Variants in WDR43 observed in about 807,000 individuals in gnomAD.
WDR43 encodes WD repeat-containing protein 43.
A neutral mutation model predicts 91.4 loss-of-function variants in WDR43; 13 were observed. The observed-to-expected ratio is 0.14, with a 90% CI of 0.09 to 0.23. The LOEUF (loss-of-function observed/expected upper bound fraction) is 0.23. WDR43 is among the 10% of genes least tolerant of loss of function. WDR43 has a pLI of 1.00. For synonymous variants in WDR43, 331 were observed against 287.9 expected, an observed-to-expected ratio of 1.15 and a Z score of -1.51; for missense variants, 780 against 809.4, an observed-to-expected ratio of 0.96 and a Z score of 0.44.
Position 28,946,710 on chromosome 2 carries a change from T to C in WDR43, c.1965T>C (p.Asp655=), listed in dbSNP as rs1558386948. 1 of 1,581,940 alleles carries C rather than the reference T, an allele frequency of 6.3e-7. No individual in the cohort carries two copies. Among genetic ancestry groups the C allele is most frequent in the Non-Finnish European group, 8.6e-7 (1 of 1,163,822 alleles). ...GKDEENGEDR[D]TASEKELNGD... is the part of the protein sequence containing the mutation. ...ATGAAGAAAATGGCGAGGACAGAGA[T>C]ACAGCAAGTGAAAAAGAATTAAATG... Residue 655 remains aspartate (D), a synonymous_variant, in exon 18 of 18, where the codon GAT becomes GAC. Transcript: ENST00000407426.
At chr2:28,917,357 C>A (rs1445667047) in intron 5 of WDR43, among the ~76,000 whole-genome samples, 1 of 152,140 alleles carries the variant, frequency 6.6e-6, no homozygotes, top group Non-Finnish European at 1.5e-5. Flanking sequence ...ATATATAGGT[C>A]TGTTTCTGTG....
intron 4 of WDR43, chr2:28,913,729 C>T (rs1422039572): frequency 1.9e-6 from 1 of 534,588 alleles, no homozygotes; most frequent in South Asian, 1.4e-5. Flanking sequence ...ACCTACAATT[C>T]CTTGGCTGTG....
In WDR43 at chr2:28,906,453, T is replaced by A; in HGVS notation, c.364-7T>A. 1 of 1,518,558 alleles carries A rather than the reference T, an allele frequency of 6.6e-7. No homozygotes were observed. Among genetic ancestry groups the A allele is most frequent in the Non-Finnish European group, 8.8e-7 (1 of 1,136,414 alleles). 94.1% of individuals were successfully genotyped at this position (1,518,558 alleles called of 1,614,324 possible). ...CCTTAAATTTTTTTTTTTTTTTTAATCTACAGAGTGGTGGACATGACAACA... is the reference window on the plus strand; with the variant it reads ...CCTTAAATTTTTTTTTTTTTTTTAAACTACAGAGTGGTGGACATGACAACA... On this transcript the variant is annotated splice_polypyrimidine_tract_variant and splice_region_variant and intron_variant, in intron 2 of 17. Transcript: ENST00000407426.
chr2:28,899,767 C>T (rs1359046180), intron 1 of WDR43, among the ~76,000 whole-genome samples: 1 of 152,154 alleles, frequency 6.6e-6, no homozygotes, highest in Non-Finnish European at 1.5e-5. Flanking sequence ...GTTATATACA[C>T]TTCTGGTCTG....
intron 2 of WDR43, among the ~76,000 whole-genome samples, chr2:28,904,699 A>G (rs1025289462): frequency 1.5e-4 from 23 of 152,254 alleles, no homozygotes; most frequent in African/African-American, 3.9e-4. Flanking sequence ...TTGCGTGTAT[A>G]TAAGACTTAG....
intron 5 of WDR43, among the ~76,000 whole-genome samples, chr2:28,916,344 A>G (rs1670910435): frequency 6.6e-6 from 1 of 152,116 alleles, no homozygotes; most frequent in Admixed American, 6.5e-5. Flanking sequence ...TTTTTTTTCA[A>G]GATGGTTGTA....
chr2:28,929,534 T>C (rs1395251432), intron 10 of WDR43, 45 bp from the exon 11 acceptor site: 2 of 1,481,436 alleles, frequency 1.4e-6, no homozygotes, highest in Non-Finnish European at 1.8e-6. Context: ...CAAACTACTT[T>C]AAGTCTTGTC....
At position 28,917,984 on chromosome 2, in the gene WDR43, A is replaced by G; in HGVS notation, c.838A>G (p.Asn280Asp). The change falls in exon 6 of 18, where the codon AAC (asparagine) becomes GAC (aspartate). Residue 280 changes from asparagine to aspartate, a missense_variant. This residue lies in a region of WDR43 where 426 missense variants were observed against 467.8 expected (regional missense o/e 0.91). Coordinates refer to ENST00000407426, the MANE Select transcript of WDR43 (RefSeq NM_015131.3). Reference protein sequence around the residue: ...PVYIDLTLSENKEEPVKLAVV... With the variant: ...PVYIDLTLSEDKEEPVKLAVV... ...CTATATTGACTTAACTTTGTCAGAA[A>G]ACAAAGAAGAGGTAAATGGCTCGAT... 6.4e-7 allele frequency: 1 copy of G among 1,574,414 alleles called. No homozygotes were observed. The highest frequency in any genetic ancestry group is 8.6e-7 in the Non-Finnish European group (1 of 1,159,246).
At chr2:28,926,986 G>A in intron 9 of WDR43, 2 of 497,590 alleles carry the variant, frequency 4.0e-6, no homozygotes, top group South Asian at 2.9e-5. Context: ...GCATCATCAT[G>A]GTGCTCCATT....
chr2:28,922,891 T>C, intron 6 of WDR43, 28 bp from the exon 7 acceptor site: 1 of 1,601,092 alleles, frequency 6.2e-7, no homozygotes, highest in Non-Finnish European at 8.5e-7. Flanking sequence ...TTATCCATTA[T>C]AATACGTTGG....
chr2:28,939,390 A>C (rs1671394143), intron 14 of WDR43, among the ~76,000 whole-genome samples: 1 of 152,198 alleles, frequency 6.6e-6, no homozygotes, highest in South Asian at 2.1e-4. Flanking sequence ...TCTTTTCTGG[A>C]ATCAACTCCT....
chr2:28,919,836 T>G (rs572126795), intron 6 of WDR43, among the ~76,000 whole-genome samples: 1 of 152,294 alleles, frequency 6.6e-6, no homozygotes, highest in Non-Finnish European at 1.5e-5. Context: ...CCTATAACTT[T>G]ATTTTTATTT....
At position 28,894,775 on chromosome 2, in the gene WDR43, A is replaced by C. The variant is rs1039860010; in HGVS notation, c.77A>C (p.Gln26Pro). The change falls in exon 1 of 18, where the codon CAG becomes CCG. Residue 26 changes from glutamine (Q) to proline (P), a missense_variant. Around this residue, in one of 4 missense-constraint regions of WDR43, gnomAD observed 175 missense variants for 113.8 expected, o/e 1.54. Coordinates refer to ENST00000407426, the MANE Select transcript of WDR43 (RefSeq NM_015131.3). ...GVPCAFSPHS[Q>P]AYFALASTDG... ...CCTTGCGCCTTCTCCCCGCACAGCC[A>C]GGCCTACTTCGCTTTGGCCTCTACC... 1 of 1,607,106 alleles carries C rather than the reference A, an allele frequency of 6.2e-7. No individual in the cohort carries two copies. The highest frequency in any genetic ancestry group is 8.5e-7 in the Non-Finnish European group (1 of 1,177,086).
At chr2:28,942,808 A>C (rs1308740316) in intron 16 of WDR43, among the ~76,000 whole-genome samples, 1 of 151,874 alleles carries the variant, frequency 6.6e-6, no homozygotes, top group Non-Finnish European at 1.5e-5. Context: ...GTAAAGACAG[A>C]GTTTCACTAT....
At chr2:28,930,542 T>C (rs1011194967) in intron 11 of WDR43, among the ~76,000 whole-genome samples, 2 of 152,200 alleles carry the variant, frequency 1.3e-5, no homozygotes, top group Non-Finnish European at 2.9e-5. Context: ...AAATTACTTT[T>C]AAAATAGTTT....
intron 14 of WDR43, among the ~76,000 whole-genome samples, chr2:28,941,246 T>C (rs912863396): frequency 4.6e-5 from 7 of 152,210 alleles, no homozygotes; most frequent in African/African-American, 1.7e-4. Context: ...ATTTTTTTTA[T>C]AAGCCTATTA....
chr2:28,912,563 A>C (rs1290154364), intron 3 of WDR43, 27 bp from the exon 4 acceptor site: 1 of 1,603,840 alleles, frequency 6.2e-7, no homozygotes, highest in Admixed American at 1.7e-5. Flanking sequence ...ATGTATTGAG[A>C]TGCTTTTTTT....
At chr2:28,906,634 A>C (rs1307786463) in intron 3 of WDR43, 53 bp downstream of exon 3, 1 of 1,575,618 alleles carries the variant, frequency 6.3e-7, no homozygotes, top group Non-Finnish European at 8.6e-7. Flanking sequence ...TAAATGCTGG[A>C]CTTGTGGGGA....
chr2:28,896,826 T>G (rs996998771), intron 1 of WDR43, among the ~76,000 whole-genome samples: 1 of 152,226 alleles, frequency 6.6e-6, no homozygotes, highest in African/African-American at 2.4e-5. Flanking sequence ...AGCAAGTTGT[T>G]TTAATTTTGA....
Sources: allele counts gnomAD v4.1 joint callset (sites outside exome capture counted in the v4.1 genomes callset), GRCh38; gene constraint gnomAD v4.1.1; regional missense constraint gnomAD v4.1.1; transcripts MANE v1.5; gene names NCBI Gene and HGNC (gene_info 2026-07-23, HGNC 2026-07-21).